Variants in KCND3 observed in about 807,000 individuals in gnomAD.
The protein encoded by KCND3 is potassium voltage-gated channel subfamily D member 3.
Under a neutral mutation model 51.1 loss-of-function variants are expected in KCND3, and 9 were observed. That is an observed-to-expected ratio of 0.18 (90% CI 0.11 to 0.31). KCND3 has a LOEUF of 0.31. KCND3 is among the 10% of genes least tolerant of loss of function. The pLI is 1.00. For missense variants in KCND3, 526 were observed against 903.8 expected (o/e 0.58, Z 5.36); for synonymous variants, 349 against 368.0 (o/e 0.95, Z 0.59).
chr1:111,823,215 C>T (rs535929300), intron 2 of KCND3, among the ~76,000 whole-genome samples: 6 of 152,172 alleles, frequency 3.9e-5, no homozygotes, highest in African/African-American at 1.4e-4. Context: ...TTCCACAAAT[C>T]GTGAGGTTCT....
At chr1:111,863,598 G>A (rs989289389) in intron 2 of KCND3, among the ~76,000 whole-genome samples, 19 of 152,238 alleles carry the variant, frequency 1.2e-4, no homozygotes, top group African/African-American at 4.6e-4. Context: ...CTCTGGCAGA[G>A]TTGCAAGGGC....
intron 3 of KCND3, among the ~76,000 whole-genome samples, chr1:111,784,103 TCA>T (rs369429634): frequency 0.075 from 8,789 of 117,298 alleles, 354 homozygotes; most frequent in African/African-American, 0.14. Flanking sequence ...CATTAACTTA[TCA>T]CACACACACA....
At position 111,880,081 on chromosome 1, in the gene KCND3, A is replaced by G. The variant is rs555979136; in HGVS notation, c.1107-92975T>C. ...TGAATGGTTAACCTATAGTAGCGCTATATACACTTTAGCCATTAGCAGATG... is the reference window on the plus strand; with the variant it reads ...TGAATGGTTAACCTATAGTAGCGCTGTATACACTTTAGCCATTAGCAGATG... On this transcript the variant is annotated intron_variant, in intron 2 of 7. Transcript: ENST00000302127. Among the ~76,000 whole-genome samples, 42 of 152,348 alleles carry G rather than the reference A, an allele frequency of 2.8e-4. 1 individual carries two copies. The South Asian group carries it at 7.5e-3, about 27-fold the overall frequency.
rs1664169110 is a variant in KCND3, at chr1:111,777,284, CAGA to C, written c.1519-14_1519-12del. ...AATAAACTCGTGGTTCTGCGGGAGG[CAGA>C]AGGAGAAGAAGTAGGAAAAGGAGGT... On this transcript the variant is annotated splice_polypyrimidine_tract_variant and intron_variant, in intron 6 of 7. Transcript: ENST00000302127. 6.2e-7 allele frequency: 1 copy of C among 1,613,874 alleles called. No individual in the cohort carries two copies. The highest frequency in any genetic ancestry group is 1.3e-5 in the African/African-American group (1 of 74,870).
At chr1:111,947,518 GGA>G (rs1462095241) in intron 2 of KCND3, among the ~76,000 whole-genome samples, 6 of 152,228 alleles carry the variant, frequency 3.9e-5, no homozygotes, top group Non-Finnish European at 7.3e-5. Flanking sequence ...GTTCAGACTT[GGA>G]GAGGTTAAAT....
intron 2 of KCND3, among the ~76,000 whole-genome samples, chr1:111,919,147 G>A (rs1161877935): frequency 6.6e-6 from 1 of 151,202 alleles, no homozygotes; most frequent in Non-Finnish European, 1.5e-5. Context: ...TGTTCTAGAT[G>A]CAGGGAATGG....
At chr1:111,885,718 G>A (rs1669540517) in intron 2 of KCND3, among the ~76,000 whole-genome samples, 1 of 151,978 alleles carries the variant, frequency 6.6e-6, no homozygotes, top group South Asian at 2.1e-4. Context: ...TGTCACCCAG[G>A]CTGGAGTAGA....
chr1:111,794,675 A>G (rs1571648075), intron 2 of KCND3, among the ~76,000 whole-genome samples: 1 of 152,124 alleles, frequency 6.6e-6, no homozygotes, highest in Admixed American at 6.5e-5. Context: ...AGGGACTCAG[A>G]CCTCTGTGGC....
intron 2 of KCND3, among the ~76,000 whole-genome samples, chr1:111,951,042 T>C (rs945546205): frequency 6.6e-6 from 1 of 151,310 alleles, no homozygotes; most frequent in East Asian, 1.9e-4. Flanking sequence ...TGGTGGTGCA[T>C]GCCTGTAATC....
At chr1:111,829,921 T>A (rs1666757951) in intron 2 of KCND3, among the ~76,000 whole-genome samples, 1 of 152,244 alleles carries the variant, frequency 6.6e-6, no homozygotes, top group Admixed American at 6.5e-5. Context: ...GGCTGCATCC[T>A]TAGTGTTGCG....
intron 2 of KCND3, among the ~76,000 whole-genome samples, chr1:111,951,433 T>C (rs1673059127): frequency 1.1e-4 from 16 of 152,104 alleles, no homozygotes; most frequent in Admixed American, 1.0e-3. Flanking sequence ...TTCTTTAGAA[T>C]TGGGAACTGC....
intron 2 of KCND3, among the ~76,000 whole-genome samples, chr1:111,949,960 G>A (rs370813361): frequency 1.3e-5 from 2 of 152,196 alleles, no homozygotes; most frequent in Non-Finnish European, 2.9e-5. Flanking sequence ...GCTCAGGCTG[G>A]AGTGCAGTGG....
intron 2 of KCND3, among the ~76,000 whole-genome samples, chr1:111,859,241 C>T (rs1668227300): frequency 1.3e-5 from 2 of 150,490 alleles, no homozygotes; most frequent in African/African-American, 4.9e-5. Flanking sequence ...AGTTGCAATG[C>T]TGACCCTTTT....
At chr1:111,892,371 A>G (rs1373622230) in intron 2 of KCND3, among the ~76,000 whole-genome samples, 1 of 152,204 alleles carries the variant, frequency 6.6e-6, no homozygotes, top group African/African-American at 2.4e-5. Context: ...GCAGTGAGCC[A>G]GCTCTCCAAT....
rs1378718107 is a variant in KCND3, at chr1:111,982,568, G to C, written c.159C>G (p.Thr53=). 5 of 1,612,204 alleles carry C rather than the reference G, an allele frequency of 3.1e-6. No homozygotes were observed. The Middle Eastern group carries it at 5.0e-4, about 160-fold the overall frequency. ...GGTAGCGCTCCAGCGTGGTCCTCCA[G>C]GTCTGGAACCTCCGCCCACTCACGT... is the stretch of plus-strand genomic sequence containing the variant. ...VLNVSGRRFQ[T]WRTTLERYPD... Residue 53 remains threonine, a synonymous_variant, in exon 2 of 8, where the codon ACC becomes ACG. Transcript: ENST00000302127. This position sits in a 1 kb window ranked among gnomAD's most constrained non-coding sequence, Gnocchi z 8.5.
chr1:111,964,094 G>A (rs978332841), intron 2 of KCND3, among the ~76,000 whole-genome samples: 36 of 152,290 alleles, frequency 2.4e-4, no homozygotes, highest in African/African-American at 8.7e-4. Context: ...GCAGAAGGAG[G>A]GAAACAGGCA....
intron 2 of KCND3, among the ~76,000 whole-genome samples, chr1:111,801,421 C>T (rs1665302309): frequency 6.6e-6 from 1 of 152,222 alleles, no homozygotes; most frequent in Non-Finnish European, 1.5e-5. Context: ...ACCAGACAAA[C>T]TCTTATGGCC....
chr1:111,966,253 G>A (rs562618381), intron 2 of KCND3, among the ~76,000 whole-genome samples: 2 of 152,170 alleles, frequency 1.3e-5, no homozygotes, highest in Non-Finnish European at 2.9e-5. Context: ...CTGCCCACAC[G>A]GATGCTAACA....
At chr1:111,948,506 T>C (rs1672900871) in intron 2 of KCND3, among the ~76,000 whole-genome samples, 1 of 152,240 alleles carries the variant, frequency 6.6e-6, no homozygotes, top group Non-Finnish European at 1.5e-5. Context: ...AGGGCTGTTC[T>C]GCCTTCTACT....
Sources: gnomAD v4.1 joint callset for allele counts (sites outside exome capture counted in the v4.1 genomes callset) on GRCh38, gnomAD v4.1.1 for gene constraint, Gnocchi (gnomAD v3.1) non-coding constraint, MANE v1.5 for transcripts, NCBI Gene and HGNC (gene_info 2026-07-23, HGNC 2026-07-21) for gene names.